The following XKR4 variants were observed in gnomAD, a reference collection of about 807,000 sequenced individuals.
XKR4 encodes XK-related protein 4.
In XKR4, 12 loss-of-function variants were observed where a neutral mutation model predicts 53.9. That is an observed-to-expected ratio of 0.22 (90% CI 0.14 to 0.36). The LOEUF is 0.36. XKR4 is among the 10% of genes least tolerant of loss of function. The pLI, the probability that XKR4 is intolerant of heterozygous loss-of-function variation, is 1.00. For missense variants in XKR4, 799 were observed against 859.5 expected, an observed-to-expected ratio of 0.93 and a Z score of 0.88; for synonymous variants, 354 against 362.4, an observed-to-expected ratio of 0.98 and a Z score of 0.26.
chr8:55,255,604 A>G (rs1468101491), intron 1 of XKR4, among the ~76,000 whole-genome samples: 1 of 152,200 alleles, frequency 6.6e-6, no homozygotes, highest in East Asian at 1.9e-4. Context: ...AACCAAATCT[A>G]AAAACTGATG....
chr8:55,181,355 A>G (rs1479812136), intron 1 of XKR4, among the ~76,000 whole-genome samples: 2 of 152,062 alleles, frequency 1.3e-5, no homozygotes, highest in Non-Finnish European at 2.9e-5. Flanking sequence ...TAACTATTCC[A>G]CAAACTTTTC....
At chr8:55,227,736 G>A (rs1817974965) in intron 1 of XKR4, among the ~76,000 whole-genome samples, 1 of 152,206 alleles carries the variant, frequency 6.6e-6, no homozygotes. Flanking sequence ...TGCAAGTGCT[G>A]AGAGCACAGA....
chr8:55,273,884 T>C (rs1447649154), intron 1 of XKR4, among the ~76,000 whole-genome samples: 1 of 152,194 alleles, frequency 6.6e-6, no homozygotes, highest in Non-Finnish European at 1.5e-5. Flanking sequence ...GAATCGGTTC[T>C]GTCTAGGCAG....
chr8:55,524,803 C>T lies in XKR4; in HGVS notation c.*576C>T, dbSNP rs1346135084. 6.5e-6 allele frequency: 1 copy of T among 152,782 alleles called. No individual in the cohort carries two copies. The highest frequency in any genetic ancestry group is 2.4e-5 in the African/African-American group (1 of 41,422). The allele number at this position is 152,782 out of a possible 1,614,324, so 9.5% of individuals were successfully genotyped here. A position where few individuals can be genotyped will look rare whatever the true frequency, so the allele number is the denominator to read the frequency against. ...GGAAATCCATACCATGTGTGAAAAT[C>T]CTATCCAACGGACAGCAAACCCAAA... On this transcript the variant is annotated 3_prime_UTR_variant, in exon 3 of 3. Coordinates refer to ENST00000327381, the MANE Select transcript of XKR4 (RefSeq NM_052898.2).
intron 1 of XKR4, among the ~76,000 whole-genome samples, chr8:55,300,157 C>A (rs1005023399): frequency 2.6e-5 from 4 of 152,020 alleles, no homozygotes; most frequent in Non-Finnish European, 4.4e-5. Context: ...TTCAGTCGAA[C>A]CAGGGGTGCA....
intron 2 of XKR4, among the ~76,000 whole-genome samples, chr8:55,476,641 G>A (rs1282227229): frequency 6.6e-6 from 1 of 152,044 alleles, no homozygotes; most frequent in Non-Finnish European, 1.5e-5. Context: ...CCCTTTCCTA[G>A]TCAAAGAAAG....
chr8:55,102,554 G>A lies in XKR4; in HGVS notation c.66G>A (p.Leu22=), dbSNP rs372545287. The part of the protein sequence containing the change: ...KKSSDVAFTP[L]QNSDHSGSVQ... The stretch of plus-strand genomic sequence containing the variant: ...GCAGCGACGTGGCGTTCACCCCGCT[G>A]CAGAACTCGGACCACTCGGGCTCGG... The change falls in exon 1 of 3, where the codon CTG becomes CTA. Residue 22 remains leucine, a synonymous_variant. Coordinates refer to ENST00000327381, the MANE Select transcript of XKR4 (RefSeq NM_052898.2). This position sits in a 1 kb window ranked among gnomAD's most constrained non-coding sequence, Gnocchi z 5.1. The A allele has an allele frequency of 4.8e-5, 75 of 1,553,930 alleles. No individual in the cohort carries two copies. In the Middle Eastern group the frequency reaches 5.1e-4, roughly 11 times the overall value.
chr8:55,259,716 T>G (rs1338839128), intron 1 of XKR4, among the ~76,000 whole-genome samples: 3 of 152,208 alleles, frequency 2.0e-5, no homozygotes, highest in Non-Finnish European at 4.4e-5. Flanking sequence ...TATCTGGTCA[T>G]TTTATGGCAC....
chr8:55,186,484 T>C (rs1227028701), intron 1 of XKR4, among the ~76,000 whole-genome samples: 1 of 151,194 alleles, frequency 6.6e-6, no homozygotes, highest in Non-Finnish European at 1.5e-5. Flanking sequence ...TGAAACCCCG[T>C]CTCTACTAAA....
chr8:55,286,431 A>G (rs1163137274), intron 1 of XKR4, among the ~76,000 whole-genome samples: 1 of 152,148 alleles, frequency 6.6e-6, no homozygotes, highest in African/African-American at 2.4e-5. Flanking sequence ...CTTCGAAGGC[A>G]TTGTACCAAG....
At chr8:55,477,919 C>A (rs536339827) in intron 2 of XKR4, among the ~76,000 whole-genome samples, 7 of 152,236 alleles carry the variant, frequency 4.6e-5, no homozygotes, top group South Asian at 4.2e-4. Context: ...AAGACCAAAT[C>A]TATGTCTGAC....
intron 1 of XKR4, among the ~76,000 whole-genome samples, chr8:55,163,489 T>G (rs887939589): frequency 5.3e-5 from 8 of 152,220 alleles, no homozygotes; most frequent in African/African-American, 1.9e-4. Flanking sequence ...TCCTGTGGAC[T>G]CTGTGTTTTT....
chr8:55,326,221 C>A (rs1440821805), intron 1 of XKR4, among the ~76,000 whole-genome samples: 2 of 152,118 alleles, frequency 1.3e-5, no homozygotes, highest in African/African-American at 4.8e-5. Context: ...ATCATATACA[C>A]CTGGGTGGGG....
intron 1 of XKR4, among the ~76,000 whole-genome samples, chr8:55,298,619 C>A (rs1224968562): frequency 6.6e-6 from 1 of 152,134 alleles, no homozygotes; most frequent in Non-Finnish European, 1.5e-5. Flanking sequence ...CATGATTCAG[C>A]ACTTCCCACC....
intron 2 of XKR4, among the ~76,000 whole-genome samples, chr8:55,478,577 A>G (rs1368793158): frequency 6.6e-6 from 1 of 152,178 alleles, no homozygotes; most frequent in Non-Finnish European, 1.5e-5. Context: ...AATGGGCTAA[A>G]TGCTCCAATT....
chr8:55,326,338 G>T (rs1803291953), intron 1 of XKR4, among the ~76,000 whole-genome samples: 1 of 152,102 alleles, frequency 6.6e-6, no homozygotes, highest in South Asian at 2.1e-4. Context: ...GGCATGATCA[G>T]TGTTGTTGTT....
chr8:55,393,893 T>C (rs1317641639), intron 2 of XKR4, among the ~76,000 whole-genome samples: 2 of 152,222 alleles, frequency 1.3e-5, no homozygotes, highest in Non-Finnish European at 2.9e-5. Flanking sequence ...GTCGAGATTG[T>C]GCCCATGAGC....
chr8:55,438,984 G>A (rs1225500524), intron 2 of XKR4, among the ~76,000 whole-genome samples: 1 of 152,126 alleles, frequency 6.6e-6, no homozygotes, highest in African/African-American at 2.4e-5. Context: ...TCAAAGTGTG[G>A]GAAAACTAGG....
chr8:55,235,291 C>T (rs1353287825), intron 1 of XKR4, among the ~76,000 whole-genome samples: 4 of 152,198 alleles, frequency 2.6e-5, no homozygotes, highest in Admixed American at 2.0e-4. Flanking sequence ...TTCATCCTGA[C>T]ACTAATTACA....
Sources: gnomAD v4.1 joint callset for allele counts (sites outside exome capture counted in the v4.1 genomes callset) on GRCh38, gnomAD v4.1.1 for gene constraint, Gnocchi (gnomAD v3.1) non-coding constraint, MANE v1.5 for transcripts, NCBI Gene and HGNC (gene_info 2026-07-23, HGNC 2026-07-21) for gene names.